STXBP6: variants seen among roughly 807,000 people sequenced by gnomAD.
STXBP6 encodes syntaxin binding protein 6.
A neutral mutation model predicts 26.9 loss-of-function variants in STXBP6; 21 were observed. The ratio of observed to expected loss-of-function variants is 0.78; its 90% CI spans 0.55 to 1.12. The LOEUF is 1.12. Ranked by LOEUF, STXBP6 falls within the 50% of genes most tolerant of loss-of-function variation. The pLI, the probability that STXBP6 is intolerant of heterozygous loss-of-function variation, is 0.00. For synonymous variants in STXBP6, 97 were observed against 92.6 expected, an observed-to-expected ratio of 1.05 and a Z score of -0.27; for missense variants, 232 against 257.9, an observed-to-expected ratio of 0.90 and a Z score of 0.69.
rs1294252834 is a variant in STXBP6, at chr14:24,811,697, C to A, written c.*1012G>T. The A allele has an allele frequency of 6.6e-6, 1 of 152,052 alleles. No individual in the cohort carries two copies. The highest frequency in any genetic ancestry group is 1.5e-5 in the Non-Finnish European group (1 of 67,984). The allele number at this position is 152,052 out of a possible 1,614,324, so 9.4% of individuals were successfully genotyped here. A position where few individuals can be genotyped will look rare whatever the true frequency, so the allele number is the denominator to read the frequency against. The stretch of plus-strand genomic sequence containing the variant: ...AATAAATAGATAGCAAAAACAACAT[C>A]AAAACCTCCAAAATCCAGATACCAA... On this transcript the variant is annotated 3_prime_UTR_variant, in exon 6 of 6. Coordinates refer to ENST00000323944, the MANE Select transcript of STXBP6 (RefSeq NM_001394410.1).
intron 1 of STXBP6, among the ~76,000 whole-genome samples, chr14:25,024,125 C>T (rs922826053): frequency 7.2e-5 from 11 of 151,902 alleles, no homozygotes; most frequent in Non-Finnish European, 1.6e-4. Context: ...CTGGCTAACA[C>T]GGTGAAACCC....
At chr14:24,819,960 G>A (rs1255595407) in intron 4 of STXBP6, among the ~76,000 whole-genome samples, 1 of 152,194 alleles carries the variant, frequency 6.6e-6, no homozygotes, top group African/African-American at 2.4e-5. Context: ...AAACTCAGGA[G>A]TGGTGATACC....
Position 24,971,501 on chromosome 14 carries a change from C to T in STXBP6, c.154+3164G>A, listed in dbSNP as rs191169260. Among the ~76,000 whole-genome samples the T allele has an allele frequency of 4.2e-4, 64 of 152,268 alleles. 1 individual carries two copies. The Middle Eastern group carries it at 0.014, about 32-fold the overall frequency. On this transcript the variant is annotated intron_variant, in intron 2 of 5. Transcript: ENST00000323944. ...GGCCTCCCAGAAGGTGTAGGCAGTT[C>T]ACACTAATAGCAGGAAGAATATTTT... is the stretch of plus-strand genomic sequence containing the variant.
At chr14:24,858,723 T>C (rs1461486788) in intron 2 of STXBP6, among the ~76,000 whole-genome samples, 1 of 152,138 alleles carries the variant, frequency 6.6e-6, no homozygotes, top group Non-Finnish European at 1.5e-5. Context: ...ATGACACAAA[T>C]GGGAGACCTA....
intron 2 of STXBP6, among the ~76,000 whole-genome samples, chr14:24,912,459 A>C (rs1171238611): frequency 6.7e-6 from 1 of 150,034 alleles, no homozygotes; most frequent in Non-Finnish European, 1.5e-5. Flanking sequence ...AAAAAAAAAA[A>C]GTGAAATGCA....
At chr14:25,011,653 A>G (rs1029820428) in intron 1 of STXBP6, among the ~76,000 whole-genome samples, 1 of 152,212 alleles carries the variant, frequency 6.6e-6, no homozygotes, top group African/African-American at 2.4e-5. Context: ...AGAGATTTAT[A>G]TACTGTTCAG....
At chr14:24,881,120 GT>G (rs753705834) in intron 2 of STXBP6, among the ~76,000 whole-genome samples, 125 of 145,146 alleles carry the variant, frequency 8.6e-4, no homozygotes, top group East Asian at 7.4e-3. Context: ...ATCTGCTTCT[GT>G]TTTTTTTTTT....
At chr14:24,912,779 A>G (rs1295587853) in intron 2 of STXBP6, among the ~76,000 whole-genome samples, 1 of 152,210 alleles carries the variant, frequency 6.6e-6, no homozygotes, top group Admixed American at 6.5e-5. Flanking sequence ...TAGAACATGG[A>G]CAGAGTAACT....
At chr14:24,849,249 A>G (rs2069065475) in intron 4 of STXBP6, among the ~76,000 whole-genome samples, 1 of 152,112 alleles carries the variant, frequency 6.6e-6, no homozygotes, top group Non-Finnish European at 1.5e-5. Context: ...GCTGTCTAGG[A>G]AAAGATATAT....
chr14:24,954,659 C>G (rs952342703), intron 2 of STXBP6, among the ~76,000 whole-genome samples: 11 of 152,130 alleles, frequency 7.2e-5, no homozygotes, highest in African/African-American at 2.7e-4. Context: ...AAGTGGCATC[C>G]GGATCCCACT....
intron 2 of STXBP6, among the ~76,000 whole-genome samples, chr14:24,971,784 T>C (rs1054058046): frequency 6.6e-6 from 1 of 152,252 alleles, no homozygotes; most frequent in Non-Finnish European, 1.5e-5. Flanking sequence ...TCATTGTATT[T>C]TTTTTAATCT....
intron 2 of STXBP6, among the ~76,000 whole-genome samples, chr14:24,934,886 T>C (rs1373528214): frequency 6.6e-6 from 1 of 152,058 alleles, no homozygotes; most frequent in East Asian, 1.9e-4. Context: ...AAAAGACACA[T>C]TTTAAGAACC....
intron 2 of STXBP6, among the ~76,000 whole-genome samples, chr14:24,953,182 C>T (rs114014706): frequency 1.4e-4 from 21 of 152,284 alleles, no homozygotes; most frequent in African/African-American, 4.6e-4. Flanking sequence ...ATATTCACAT[C>T]GCTTTCTTCC....
chr14:24,986,057 A>G (rs777109813), intron 1 of STXBP6, among the ~76,000 whole-genome samples: 4 of 152,200 alleles, frequency 2.6e-5, no homozygotes, highest in Non-Finnish European at 5.9e-5. Context: ...AGGTGAGAAC[A>G]GGTGGTGTGT....
At chr14:25,015,860 C>G (rs1179034308) in intron 1 of STXBP6, among the ~76,000 whole-genome samples, 4 of 151,174 alleles carry the variant, frequency 2.6e-5, no homozygotes, top group African/African-American at 9.7e-5. Context: ...TTCTGGGAGG[C>G]TGAACTCAAA....
At chr14:24,903,606 T>C (rs1332029342) in intron 2 of STXBP6, among the ~76,000 whole-genome samples, 3 of 152,148 alleles carry the variant, frequency 2.0e-5, no homozygotes, top group Admixed American at 6.5e-5. Flanking sequence ...ACAGTTCACA[T>C]AGAGACAGCC....
At chr14:24,924,014 AT>A (rs542131214) in intron 2 of STXBP6, among the ~76,000 whole-genome samples, 28 of 148,392 alleles carry the variant, frequency 1.9e-4, no homozygotes, top group Middle Eastern at 3.4e-3. Context: ...ATTCCCACAT[AT>A]TTTTTTTTTG....
intron 2 of STXBP6, among the ~76,000 whole-genome samples, chr14:24,962,564 G>A (rs144159961): frequency 1.7e-3 from 256 of 152,152 alleles, no homozygotes; most frequent in African/African-American, 6.0e-3. Flanking sequence ...CTGACCTCAA[G>A]TGATCCGCCC....
At chr14:25,030,644 TATATCTTCAATATC>T (rs1312148263) in intron 1 of STXBP6, among the ~76,000 whole-genome samples, 3 of 152,158 alleles carry the variant, frequency 2.0e-5, no homozygotes, top group Admixed American at 2.0e-4. Flanking sequence ...ACCAGTTACA[TATATCTTCAATATC>T]CACCTAAACA....
Sources: gnomAD v4.1 joint callset for allele counts (sites outside exome capture counted in the v4.1 genomes callset) on GRCh38, gnomAD v4.1.1 for gene constraint, MANE v1.5 for transcripts, NCBI Gene and HGNC (gene_info 2026-07-23, HGNC 2026-07-21) for gene names.